The following MITF variants were observed in gnomAD, a reference collection of about 807,000 sequenced individuals.
The protein encoded by MITF is melanocyte inducing transcription factor, also known as microphthalmia-associated transcription factor.
A neutral mutation model predicts 60.5 loss-of-function variants in MITF; 17 were observed. The ratio of observed to expected loss-of-function variants is 0.28; its 90% CI spans 0.19 to 0.42. MITF has a LOEUF of 0.42. Ranked by LOEUF, MITF falls within the 10% of genes least tolerant of loss-of-function variation. MITF has a pLI of 1.00. For missense variants in MITF, 622 were observed against 683.5 expected (o/e 0.91, Z 1.00); for synonymous variants, 260 against 248.5 (o/e 1.05, Z -0.43).
intron 2 of MITF, among the ~76,000 whole-genome samples, chr3:69,889,027 T>A (rs1405444180): frequency 1.5e-5 from 2 of 132,268 alleles, no homozygotes; most frequent in Non-Finnish European, 3.2e-5. Context: ...AGCCTTTGGT[T>A]TTTTTTTTTT....
intron 1 of MITF, among the ~76,000 whole-genome samples, chr3:69,821,677 G>GAA (rs71620104): frequency 0.027 from 3,083 of 112,616 alleles, 127 homozygotes; most frequent in African/African-American, 0.1. Context: ...TTTAGAAAAG[G>GAA]AAAAAAAAAA....
intron 1 of MITF, among the ~76,000 whole-genome samples, chr3:69,818,086 A>G (rs985981842): frequency 6.6e-6 from 1 of 152,218 alleles, no homozygotes; most frequent in South Asian, 2.1e-4. Flanking sequence ...TGAAGTTTGA[A>G]TATTGTAATG....
chr3:69,811,866 G>A (rs2063105781), intron 1 of MITF, among the ~76,000 whole-genome samples: 1 of 152,174 alleles, frequency 6.6e-6, no homozygotes, highest in Admixed American at 6.5e-5. Context: ...ATTCCACAGG[G>A]CTGCAACTCG....
intron 9 of MITF, among the ~76,000 whole-genome samples, chr3:69,963,976 T>C (rs1376297570): frequency 7.1e-6 from 1 of 140,500 alleles, no homozygotes; most frequent in Non-Finnish European, 1.5e-5. Flanking sequence ...TTTTCTTTTT[T>C]TTTTTTTTTT....
intron 2 of MITF, among the ~76,000 whole-genome samples, chr3:69,931,060 A>G (rs1180825963): frequency 1.3e-5 from 2 of 151,704 alleles, no homozygotes; most frequent in Admixed American, 6.6e-5. Context: ...TTATCCCCCT[A>G]TCTTTTTTAC....
intron 3 of MITF, chr3:69,938,464 T>C: frequency 6.8e-7 from 1 of 1,477,022 alleles, no homozygotes; most frequent in Admixed American, 2.6e-5. Flanking sequence ...TGTGAATGTC[T>C]GGAATATTAT....
intron 8 of MITF, 105 bp downstream of exon 8, chr3:69,956,635 C>CCCCTCT (rs2066406117): frequency 1.1e-6 from 1 of 885,460 alleles, no homozygotes; most frequent in Non-Finnish European, 1.9e-6. Context: ...AAAGAAGTCT[C>CCCCTCT]CCCTCTCCCT....
At chr3:69,839,454 C>G (rs1375904253) in intron 1 of MITF, among the ~76,000 whole-genome samples, 1 of 104,324 alleles carries the variant, frequency 9.6e-6, no homozygotes, top group East Asian at 2.6e-4. Flanking sequence ...TTTTTTTTTT[C>G]TTCCGGTGCC....
At chr3:69,945,506 A>G (rs536439003) in intron 5 of MITF, among the ~76,000 whole-genome samples, 1 of 152,322 alleles carries the variant, frequency 6.6e-6, no homozygotes, top group South Asian at 2.1e-4. Context: ...ATTTATCGGG[A>G]AAGTTTTCTA....
At chr3:69,948,898 A>G (rs2066169005) in intron 5 of MITF, among the ~76,000 whole-genome samples, 153 bp from the exon 6 acceptor site, 1 of 152,226 alleles carries the variant, frequency 6.6e-6, no homozygotes. Flanking sequence ...TGTGAATGAA[A>G]AAGTAAACAT....
At chr3:69,905,505 G>A (rs534339539) in intron 2 of MITF, among the ~76,000 whole-genome samples, 49 of 152,092 alleles carry the variant, frequency 3.2e-4, no homozygotes, top group African/African-American at 1.1e-3. Context: ...ATTTGGGAGT[G>A]AAACAGCTGA....
chr3:69,892,333 C>T (rs541304481), intron 2 of MITF, among the ~76,000 whole-genome samples: 23 of 152,194 alleles, frequency 1.5e-4, no homozygotes, highest in African/African-American at 5.3e-4. Context: ...CTAAATTGAC[C>T]GGAAGATAAG....
intron 5 of MITF, among the ~76,000 whole-genome samples, chr3:69,946,002 G>A (rs1338953873): frequency 6.6e-6 from 1 of 152,158 alleles, no homozygotes; most frequent in Non-Finnish European, 1.5e-5. Context: ...TGGTTTTGTT[G>A]ATCAAGTGAA....
chr3:69,847,180 T>C (rs1575811978), intron 1 of MITF, among the ~76,000 whole-genome samples: 1 of 152,206 alleles, frequency 6.6e-6, no homozygotes, highest in Non-Finnish European at 1.5e-5. Flanking sequence ...TTAGTTGTTG[T>C]ATCCGTTTTT....
intron 1 of MITF, among the ~76,000 whole-genome samples, chr3:69,804,649 A>T (rs1214220556): frequency 6.6e-6 from 1 of 152,196 alleles, no homozygotes; most frequent in East Asian, 1.9e-4. Flanking sequence ...CTTTTGTGAT[A>T]TGAGAGCAAG....
intron 2 of MITF, among the ~76,000 whole-genome samples, chr3:69,897,641 T>C (rs1045204151): frequency 2.6e-5 from 4 of 152,176 alleles, no homozygotes; most frequent in African/African-American, 9.7e-5. Flanking sequence ...ATAATTATCC[T>C]CTGGACATTT....
intron 1 of MITF, among the ~76,000 whole-genome samples, chr3:69,877,601 G>A (rs993288426): frequency 4.6e-5 from 7 of 152,090 alleles, no homozygotes; most frequent in African/African-American, 1.7e-4. Flanking sequence ...TTGATTCTCT[G>A]ACAATATACT....
At chr3:69,900,712 T>A (rs557498345) in intron 2 of MITF, among the ~76,000 whole-genome samples, 1 of 152,310 alleles carries the variant, frequency 6.6e-6, no homozygotes, top group Admixed American at 6.5e-5. Flanking sequence ...TGGGAATATT[T>A]GACAAAATTA....
intron 1 of MITF, among the ~76,000 whole-genome samples, chr3:69,838,867 G>A (rs897145016): frequency 2.0e-5 from 3 of 152,162 alleles, no homozygotes; most frequent in Non-Finnish European, 2.9e-5. Flanking sequence ...TTTGCAAGGG[G>A]AATTGCAAAG....
Sources: allele counts gnomAD v4.1 joint callset (sites outside exome capture counted in the v4.1 genomes callset), GRCh38; gene constraint gnomAD v4.1.1; transcripts MANE v1.5; gene names NCBI Gene and HGNC (gene_info 2026-07-23, HGNC 2026-07-21).